Variants in ROBO1 observed in about 807,000 individuals in gnomAD.
ROBO1 encodes roundabout guidance receptor 1.
A neutral mutation model predicts 195.9 loss-of-function variants in ROBO1; 149 were observed. The ratio of observed to expected loss-of-function variants is 0.76; its 90% CI spans 0.67 to 0.87. The LOEUF is 0.87. Ranked by LOEUF, ROBO1 falls within the 40% of genes least tolerant of loss-of-function variation. ROBO1 has a pLI of 0.00. For synonymous variants in ROBO1, 816 were observed against 733.2 expected (o/e 1.11, Z -1.82); for missense variants, 1,933 against 2,068.3 (o/e 0.93, Z 1.27).
At chr3:78,739,984 T>C (rs2082485483) in intron 5 of ROBO1, among the ~76,000 whole-genome samples, 1 of 152,166 alleles carries the variant, frequency 6.6e-6, no homozygotes, top group African/African-American at 2.4e-5. Flanking sequence ...AAGTGCCCCC[T>C]TGGTTGCCCT....
intron 3 of ROBO1, among the ~76,000 whole-genome samples, chr3:79,004,848 TA>T (rs1300863410): frequency 1.3e-5 from 2 of 152,180 alleles, no homozygotes; most frequent in Admixed American, 1.3e-4. Flanking sequence ...GAAAATGAAT[TA>T]AACATTCTAT....
At chr3:79,293,697 C>A (rs183140445) in intron 2 of ROBO1, among the ~76,000 whole-genome samples, 1 of 152,154 alleles carries the variant, frequency 6.6e-6, no homozygotes, top group East Asian at 1.9e-4. Flanking sequence ...GCCATACTGC[C>A]CAAAGTAATT....
At chr3:79,070,798 C>A (rs2079074687) in intron 3 of ROBO1, among the ~76,000 whole-genome samples, 1 of 151,754 alleles carries the variant, frequency 6.6e-6, no homozygotes, top group Non-Finnish European at 1.5e-5. Context: ...GCATCACTTT[C>A]AGCCAACATA....
chr3:78,977,873 G>A (rs547787042), intron 3 of ROBO1, among the ~76,000 whole-genome samples: 1 of 152,040 alleles, frequency 6.6e-6, no homozygotes, highest in Admixed American at 6.6e-5. Context: ...GTCTATTAAT[G>A]TTTTTAATAT....
At chr3:79,135,869 T>C (rs2080398736) in intron 2 of ROBO1, among the ~76,000 whole-genome samples, 1 of 152,168 alleles carries the variant, frequency 6.6e-6, no homozygotes, top group Non-Finnish European at 1.5e-5. Context: ...ACTCCAGGCC[T>C]CAGGTGATCC....
At chr3:79,763,251 AAAT>A (rs150818411) in intron 1 of ROBO1, among the ~76,000 whole-genome samples, 34,061 of 151,954 alleles carry the variant, frequency 0.22, 4,098 homozygotes, top group East Asian at 0.31. Flanking sequence ...GAGTGCGAAA[AAAT>A]AATAAGGGCA....
intron 3 of ROBO1, among the ~76,000 whole-genome samples, chr3:78,962,039 T>G (rs1276704013): frequency 6.6e-6 from 1 of 152,048 alleles, no homozygotes; most frequent in Non-Finnish European, 1.5e-5. Flanking sequence ...AAAGAACAGA[T>G]AAATTCGTCA....
intron 2 of ROBO1, among the ~76,000 whole-genome samples, chr3:79,455,435 T>C (rs565533983): frequency 1.8e-4 from 28 of 152,240 alleles, no homozygotes; most frequent in Middle Eastern, 6.8e-3. Context: ...GGTGTGTAAT[T>C]TTAAGAAGAG....
At chr3:78,626,417 C>A (rs900920327) in intron 26 of ROBO1, among the ~76,000 whole-genome samples, 1 of 152,120 alleles carries the variant, frequency 6.6e-6, no homozygotes, top group South Asian at 2.1e-4. Flanking sequence ...ATAAACATTG[C>A]AAAATTCTGT....
chr3:79,716,956 A>G (rs13085541), intron 1 of ROBO1, among the ~76,000 whole-genome samples: 42,955 of 151,776 alleles, frequency 0.28, 7,622 homozygotes, highest in East Asian at 0.57. Context: ...TTTTGAACAA[A>G]GAAGTAACTA....
intron 2 of ROBO1, among the ~76,000 whole-genome samples, chr3:79,559,725 T>C (rs778617896): frequency 2.6e-5 from 4 of 152,052 alleles, no homozygotes; most frequent in Non-Finnish European, 5.9e-5. Flanking sequence ...GAGACCAGCC[T>C]GACTAACATG....
At chr3:79,405,681 G>A (rs1345288346) in intron 2 of ROBO1, among the ~76,000 whole-genome samples, 2 of 152,108 alleles carry the variant, frequency 1.3e-5, no homozygotes, top group Non-Finnish European at 2.9e-5. Flanking sequence ...AAATAATAAA[G>A]ACAAATTCTT....
At chr3:78,828,831 AG>A (rs1465027321) in intron 4 of ROBO1, among the ~76,000 whole-genome samples, 1 of 152,224 alleles carries the variant, frequency 6.6e-6, no homozygotes, top group Non-Finnish European at 1.5e-5. Context: ...CATTTGGGAA[AG>A]CTCCTGACCT....
intron 2 of ROBO1, among the ~76,000 whole-genome samples, chr3:79,204,334 G>C (rs2108786031): frequency 6.6e-6 from 1 of 151,874 alleles, no homozygotes; most frequent in East Asian, 1.9e-4. Context: ...TAACTGTACA[G>C]ATAAAAGTAT....
intron 2 of ROBO1, among the ~76,000 whole-genome samples, chr3:79,502,709 C>CT (rs1389479055): frequency 1.6e-4 from 25 of 151,744 alleles, no homozygotes; most frequent in Non-Finnish European, 3.7e-4. Flanking sequence ...CTTGGAGAAT[C>CT]TTTATGTCTA....
intron 11 of ROBO1, among the ~76,000 whole-genome samples, chr3:78,669,181 T>C (rs1707912549): frequency 6.6e-6 from 1 of 152,208 alleles, no homozygotes. Context: ...ATAGGTTACA[T>C]GTTCAACTTT....
intron 1 of ROBO1, among the ~76,000 whole-genome samples, chr3:79,612,298 C>T (rs577747715): frequency 1.1e-4 from 16 of 146,840 alleles, no homozygotes; most frequent in South Asian, 4.4e-4. Context: ...TTTGTTCTTG[C>T]GATAGTTTAC....
chr3:79,349,392 T>C (rs1207244928), intron 2 of ROBO1, among the ~76,000 whole-genome samples: 1 of 152,188 alleles, frequency 6.6e-6, no homozygotes, highest in African/African-American at 2.4e-5. Context: ...CCCTAATTGA[T>C]CTACAGATTC....
chr3:79,247,966 T>G (rs2082654527), intron 2 of ROBO1, among the ~76,000 whole-genome samples: 2 of 152,138 alleles, frequency 1.3e-5, no homozygotes, highest in African/African-American at 4.8e-5. Flanking sequence ...TTATCAAAAT[T>G]CTTTCCCCCT....
Sources: gnomAD v4.1 joint callset for allele counts (sites outside exome capture counted in the v4.1 genomes callset) on GRCh38, gnomAD v4.1.1 for gene constraint, MANE v1.5 for transcripts, NCBI Gene and HGNC (gene_info 2026-07-23, HGNC 2026-07-21) for gene names.